Variants in ZC3H13 observed in about 807,000 individuals in gnomAD.
ZC3H13 encodes the protein zinc finger CCCH domain-containing protein 13.
ZC3H13 carries 64 observed loss-of-function variants against 204.1 expected under a neutral mutation model. The observed-to-expected ratio is 0.31, with a 90% CI of 0.26 to 0.39. ZC3H13 has a LOEUF of 0.39. Ranked by LOEUF, ZC3H13 falls within the 10% of genes least tolerant of loss-of-function variation. The pLI, the probability that ZC3H13 is intolerant of heterozygous loss-of-function variation, is 1.00. For synonymous variants in ZC3H13, 667 were observed against 693.7 expected (o/e 0.96, Z 0.60); for missense variants, 1,833 against 2,082.7 (o/e 0.88, Z 2.33).
intron 5 of ZC3H13, among the ~76,000 whole-genome samples, chr13:46,020,182 C>T (rs1232559442): frequency 6.6e-6 from 1 of 152,008 alleles, no homozygotes; most frequent in Non-Finnish European, 1.5e-5. Context: ...GCAATACAAT[C>T]CTGAAGGGCT....
At chr13:45,962,348 G>T in intron 17 of ZC3H13, 4 of 985,414 alleles carry the variant, frequency 4.1e-6, no homozygotes, top group Non-Finnish European at 4.8e-6. Flanking sequence ...GGGCCGAACT[G>T]TATTTCATGG....
intron 12 of ZC3H13, among the ~76,000 whole-genome samples, chr13:45,973,362 T>C (rs1952747005): frequency 6.6e-6 from 1 of 152,230 alleles, no homozygotes; most frequent in South Asian, 2.1e-4. Flanking sequence ...CTCATGTAAT[T>C]AGTTTCTGTT....
In ZC3H13 at chr13:46,052,569, G is replaced by A. The variant is rs1394585581; in HGVS notation, c.-175C>T. 5.0e-6 allele frequency: 2 copies of A among 398,636 alleles called. No homozygotes were observed. Among genetic ancestry groups the A allele is most frequent in the Non-Finnish European group, 8.8e-6 (2 of 226,194 alleles). 24.7% of individuals were successfully genotyped at this position (398,636 alleles called of 1,614,324 possible). A position where few individuals can be genotyped will look rare whatever the true frequency, so the allele number is the denominator to read the frequency against. ...CCGGGAACCGGCTCTTGGCTAGCGA[G>A]GAGCCCCCGGGATGGCTGAGAAGCA... On this transcript the variant is annotated 5_prime_UTR_variant, in exon 1 of 19. Transcript: ENST00000679008.
intron 5 of ZC3H13, among the ~76,000 whole-genome samples, chr13:46,015,852 T>G (rs2138734520): frequency 6.6e-6 from 1 of 151,804 alleles, no homozygotes; most frequent in South Asian, 2.1e-4. Context: ...ACTCATAGAG[T>G]GGGAGAAAAC....
chr13:45,958,302 T>C (rs1951414985), intron 18 of ZC3H13, among the ~76,000 whole-genome samples: 1 of 152,236 alleles, frequency 6.6e-6, no homozygotes, highest in Admixed American at 6.5e-5. Context: ...TCTGTTTTCC[T>C]AACTGCCCCA....
At chr13:45,970,337 G>A in intron 13 of ZC3H13, 25 bp downstream of exon 13, 1 of 1,604,922 alleles carries the variant, frequency 6.2e-7, no homozygotes, top group Non-Finnish European at 8.5e-7. Flanking sequence ...TGAATATAGA[G>A]AGACAGAAAA....
At chr13:46,041,562 T>C (rs1457357410) in intron 4 of ZC3H13, among the ~76,000 whole-genome samples, 1 of 152,170 alleles carries the variant, frequency 6.6e-6, no homozygotes, top group Non-Finnish European at 1.5e-5. Flanking sequence ...AACTGTATGG[T>C]ATGTGAAATA....
chr13:45,986,251 T>C (rs1487918156), intron 9 of ZC3H13, among the ~76,000 whole-genome samples: 1 of 152,220 alleles, frequency 6.6e-6, no homozygotes, highest in Non-Finnish European at 1.5e-5. Context: ...CTGCACTGTT[T>C]AATGGTATAA....
In ZC3H13 at chr13:45,963,574, C is replaced by A. The variant is rs1398340607; in HGVS notation, c.4675+268G>T. On this transcript the variant is annotated intron_variant, in intron 17 of 18. Transcript: ENST00000679008. ...AGTAGCTGTGACTACAGACATGCAA[C>A]ACCACGCCTGGCCTGTTAATAAGTA... is the stretch of plus-strand genomic sequence containing the variant. The A allele has an allele frequency of 5.0e-6, 6 of 1,195,554 alleles. No homozygotes were observed. The African/African-American group carries it at 9.6e-5, about 19-fold the overall frequency. 74.1% of individuals were successfully genotyped at this position (1,195,554 alleles called of 1,614,324 possible).
At chr13:46,016,931 T>C (rs1249667861) in intron 5 of ZC3H13, among the ~76,000 whole-genome samples, 2 of 152,072 alleles carry the variant, frequency 1.3e-5, no homozygotes, top group Non-Finnish European at 2.9e-5. Context: ...TGGTATTGGG[T>C]ACATAAAAAT....
chr13:45,980,490 T>A (rs1446852908), intron 10 of ZC3H13, among the ~76,000 whole-genome samples: 3 of 152,234 alleles, frequency 2.0e-5, no homozygotes, highest in Non-Finnish European at 4.4e-5. Flanking sequence ...ACAGTGGCTT[T>A]GTTGATAACA....
intron 7 of ZC3H13, among the ~76,000 whole-genome samples, chr13:46,004,182 C>T (rs1022161635): frequency 2.6e-5 from 4 of 151,420 alleles, no homozygotes; most frequent in African/African-American, 9.7e-5. Context: ...CATGGGATAT[C>T]CTATTACAAT....
At chr13:46,040,799 G>C (rs760881277) in intron 4 of ZC3H13, among the ~76,000 whole-genome samples, 9 of 152,002 alleles carry the variant, frequency 5.9e-5, no homozygotes, top group Non-Finnish European at 1.2e-4. Flanking sequence ...AATCTCCAAA[G>C]AAAATATACA....
chr13:45,954,614 G>A lies in ZC3H13; in HGVS notation c.*2513C>T, dbSNP rs1319661983. ...TAAAAGGGAATATCCTTAAAAGTGG[G>A]AGGGGTTCATATAACCTTTTAAAAT... is the stretch of plus-strand genomic sequence containing the variant. On this transcript the variant is annotated 3_prime_UTR_variant, in exon 19 of 19. Transcript: ENST00000679008. The A allele has an allele frequency of 6.6e-6, 1 of 152,196 alleles. No homozygotes were observed. 9.4% of individuals were successfully genotyped at this position (152,196 alleles called of 1,614,324 possible). A position where few individuals can be genotyped will look rare whatever the true frequency, so the allele number is the denominator to read the frequency against.
rs1349197107 is a variant in ZC3H13, at chr13:46,022,995, C to G, written c.340-2438G>C. Among the ~76,000 whole-genome samples the G allele has an allele frequency of 2.6e-5, 4 of 152,096 alleles. No individual in the cohort carries two copies. The East Asian group carries it at 7.7e-4, about 29-fold the overall frequency. On this transcript the variant is annotated intron_variant, in intron 4 of 18. Transcript: ENST00000679008. ...TTACTTTCATTTCCACTCTCATATG[C>G]ACATTTATTTCTTGAACATTATATG...
intron 15 of ZC3H13, among the ~76,000 whole-genome samples, chr13:45,966,266 T>C (rs574965018): frequency 3.2e-4 from 48 of 152,302 alleles, no homozygotes; most frequent in Non-Finnish European, 5.4e-4. Flanking sequence ...TTTATGGGTA[T>C]GAATTTGCAG....
chr13:45,957,403 C>A, intron 18 of ZC3H13, 106 bp from the exon 19 acceptor site: 1 of 1,038,724 alleles, frequency 9.6e-7, no homozygotes, highest in Non-Finnish European at 1.3e-6. Flanking sequence ...AAGAGTATTT[C>A]ATTTTGGATA....
At position 45,969,431 on chromosome 13, in the gene ZC3H13, G is replaced by A. The variant is rs1407372504; in HGVS notation, c.3113C>T (p.Thr1038Ile). The change falls in exon 14 of 19, where the codon ACT becomes ATT. Residue 1038 changes from threonine to isoleucine, a missense_variant. This residue lies in a region of ZC3H13 where 1,574 missense variants were observed against 1,757.2 expected (regional missense o/e 0.90). Transcript: ENST00000679008. ...KRGPRTPPIT[T>I]KEELVEMCNG... ...GCACATTTCAACCAATTCCTCTTTA[G>A]TTGTTATAGGGGGAGTCCGTGGGCC... 4 of 1,613,908 alleles carry A rather than the reference G, an allele frequency of 2.5e-6. No individual in the cohort carries two copies. Among genetic ancestry groups the A allele is most frequent in the African/African-American group, 1.3e-5 (1 of 74,896 alleles).
intron 1 of ZC3H13, among the ~76,000 whole-genome samples, chr13:46,050,193 A>G (rs1593854208): frequency 6.6e-6 from 1 of 152,180 alleles, no homozygotes; most frequent in African/African-American, 2.4e-5. Context: ...ACAACAAAAG[A>G]GGGTCTTAAA....
Sources: gnomAD v4.1 joint callset for allele counts (sites outside exome capture counted in the v4.1 genomes callset) on GRCh38, gnomAD v4.1.1 for gene constraint, gnomAD v4.1.1 regional missense constraint, MANE v1.5 for transcripts, NCBI Gene and HGNC (gene_info 2026-07-23, HGNC 2026-07-21) for gene names.